The following WDSUB1 variants were observed in gnomAD, a reference collection of about 807,000 sequenced individuals.
WDSUB1 encodes the protein WD repeat, sterile alpha motif and U-box domain containing 1, also known as WD repeat, SAM and U-box domain-containing protein 1.
In WDSUB1, 49 loss-of-function variants were observed where a neutral mutation model predicts 53.9. That is an observed-to-expected ratio of 0.91 (90% CI 0.72 to 1.15). The LOEUF (loss-of-function observed/expected upper bound fraction) is 1.15. Ranked by LOEUF, WDSUB1 falls within the 50% of genes most tolerant of loss-of-function variation. The probability of loss-of-function intolerance (pLI) is 0.00; values close to 1 mark genes in which losing one functional copy is unlikely to be tolerated. For missense variants in WDSUB1, 514 were observed against 562.0 expected (o/e 0.91, Z 0.86); for synonymous variants, 194 against 200.6 (o/e 0.97, Z 0.28).
At chr2:159,255,155 C>T (rs984538314) in intron 9 of WDSUB1, among the ~76,000 whole-genome samples, 3 of 151,722 alleles carry the variant, frequency 2.0e-5, no homozygotes, top group Non-Finnish European at 4.4e-5. Flanking sequence ...GCCACCCCCA[C>T]ACAAAAAGAG....
chr2:159,256,890 A>T (rs778385390), intron 8 of WDSUB1, among the ~76,000 whole-genome samples: 1 of 152,332 alleles, frequency 6.6e-6, no homozygotes, highest in East Asian at 1.9e-4. Context: ...ATGGAGTATA[A>T]ACAAATAACT....
At chr2:159,276,775 C>CT (rs2061550038) in intron 3 of WDSUB1, among the ~76,000 whole-genome samples, 1 of 152,164 alleles carries the variant, frequency 6.6e-6, no homozygotes, top group Non-Finnish European at 1.5e-5. Context: ...AATCCCAGCA[C>CT]TTTGAGAGGC....
chr2:159,285,461 T>G (rs1451909539), intron 1 of WDSUB1, among the ~76,000 whole-genome samples: 1 of 151,934 alleles, frequency 6.6e-6, no homozygotes, highest in Non-Finnish European at 1.5e-5. Context: ...GTCCCAGCAT[T>G]TTGGGAGGCC....
At chr2:159,257,675 G>T in intron 8 of WDSUB1, 83 bp downstream of exon 8, 1 of 1,228,272 alleles carries the variant, frequency 8.1e-7, no homozygotes, top group Non-Finnish European at 1.2e-6. Flanking sequence ...GGTGTGAGCC[G>T]CGGTGCCCAG....
chr2:159,266,483 T>C (rs565706689), intron 5 of WDSUB1, among the ~76,000 whole-genome samples: 2 of 152,188 alleles, frequency 1.3e-5, no homozygotes, highest in African/African-American at 2.4e-5. Flanking sequence ...CCACCGCGCC[T>C]GGCCAAGGAA....
chr2:159,275,680 C>T (rs1346661573), intron 3 of WDSUB1, 42 bp from the exon 4 acceptor site: 1 of 1,425,200 alleles, frequency 7.0e-7, no homozygotes, highest in Non-Finnish European at 9.4e-7. Flanking sequence ...TTGTAAAACA[C>T]TGAAACCCCC....
intron 3 of WDSUB1, among the ~76,000 whole-genome samples, chr2:159,276,296 G>C (rs2061540050): frequency 6.6e-6 from 1 of 152,098 alleles, no homozygotes; most frequent in Non-Finnish European, 1.5e-5. Context: ...TCCTGACCTT[G>C]CAATCCGCCT....
intron 1 of WDSUB1, among the ~76,000 whole-genome samples, chr2:159,283,944 A>G (rs981455519): frequency 6.6e-6 from 1 of 152,114 alleles, no homozygotes; most frequent in Non-Finnish European, 1.5e-5. Context: ...CCTCCCAAGT[A>G]GCTGGGATTA....
chr2:159,283,682 A>C (rs1003118335), intron 1 of WDSUB1, among the ~76,000 whole-genome samples: 1 of 151,900 alleles, frequency 6.6e-6, no homozygotes, highest in Non-Finnish European at 1.5e-5. Flanking sequence ...AAAGAAAAAA[A>C]ATCTAACACT....
At chr2:159,241,115 T>G (rs1178089693) in intron 10 of WDSUB1, among the ~76,000 whole-genome samples, 1 of 152,092 alleles carries the variant, frequency 6.6e-6, no homozygotes, top group African/African-American at 2.4e-5. Flanking sequence ...CGGTGAAGGC[T>G]CTAGAGAAAA....
rs561956530 is a variant in WDSUB1 at position 159,249,820 on chromosome 2, C to T, written c.1133-1308G>A. 1.5e-4 allele frequency among the ~76,000 whole-genome samples: 23 copies of T among 150,648 alleles called. No homozygotes were observed. The South Asian group carries it at 4.8e-3, about 31-fold the overall frequency. The stretch of plus-strand genomic sequence containing the variant: ...GTGGCTCATGCCTGTAACCCCAGCA[C>T]TTTGGGAGGATTAGGCAGGTGGATC... On this transcript the variant is annotated intron_variant, in intron 9 of 10. Transcript: ENST00000359774.
chr2:159,235,972 T>C lies in WDSUB1; in HGVS notation c.*61A>G. 6.9e-7 allele frequency: 1 copy of C among 1,443,644 alleles called. No homozygotes were observed. 89.4% of individuals were successfully genotyped at this position (1,443,644 alleles called of 1,614,324 possible). A position where few individuals can be genotyped will look rare whatever the true frequency, so the allele number is the denominator to read the frequency against. On this transcript the variant is annotated 3_prime_UTR_variant, in exon 11 of 11. Transcript: ENST00000359774. The stretch of plus-strand genomic sequence containing the variant: ...TGCTTTTAATAATGTCTGATTAGTA[T>C]TTACCTATAAATCATTCAAATGAGA...
intron 3 of WDSUB1, among the ~76,000 whole-genome samples, chr2:159,279,120 G>A (rs2061600737): frequency 6.6e-6 from 1 of 151,962 alleles, no homozygotes; most frequent in African/African-American, 2.4e-5. Flanking sequence ...CTTGCATTAC[G>A]TTGTTATGGA....
rs574897482 is a variant in WDSUB1, at chr2:159,239,173, T to C, written c.1274-2983A>G. ...TACACCACAACACCTGGCTAATTTT[T>C]AAAAATTTTTTGTAGAGAAGGGGGT... On this transcript the variant is annotated intron_variant, in intron 10 of 10. Transcript: ENST00000359774. Among the ~76,000 whole-genome samples, 34 of 152,280 alleles carry C rather than the reference T, an allele frequency of 2.2e-4. 2 individuals carry two copies. In the South Asian group the frequency reaches 7.0e-3, roughly 32 times the overall value.
At chr2:159,254,004 A>G (rs1171264436) in intron 9 of WDSUB1, among the ~76,000 whole-genome samples, 3 of 152,230 alleles carry the variant, frequency 2.0e-5, no homozygotes, top group Non-Finnish European at 4.4e-5. Flanking sequence ...AGATCTCCAT[A>G]TCTTAAACAC....
intron 9 of WDSUB1, among the ~76,000 whole-genome samples, chr2:159,250,106 A>AAAAAAAAAAAAAAAAAG (rs1559535180): frequency 6.7e-6 from 1 of 148,658 alleles, no homozygotes; most frequent in African/African-American, 2.5e-5. Flanking sequence ...AAAAAAAAAA[A>AAAAAAAAAAAAAAAAAG]AGAAGGGAAG....
intron 2 of WDSUB1, among the ~76,000 whole-genome samples, chr2:159,281,528 T>A (rs2061662944): frequency 6.6e-6 from 1 of 151,544 alleles, no homozygotes; most frequent in Admixed American, 6.6e-5. Context: ...TCCAAAAGAG[T>A]TTTTCAGGCG....
At chr2:159,280,006 C>G (rs1558879954) in intron 2 of WDSUB1, 61 bp from the exon 3 acceptor site, 101 of 1,442,844 alleles carry the variant, frequency 7.0e-5, no homozygotes, top group Non-Finnish European at 9.3e-5. Context: ...ATACCACAGT[C>G]TCTAACAGCA....
At chr2:159,250,954 A>G (rs1456477983) in intron 9 of WDSUB1, among the ~76,000 whole-genome samples, 1 of 152,042 alleles carries the variant, frequency 6.6e-6, no homozygotes, top group African/African-American at 2.4e-5. Flanking sequence ...ATTTAAAGAG[A>G]TAATTATATA....
Sources: allele counts gnomAD v4.1 joint callset (sites outside exome capture counted in the v4.1 genomes callset), GRCh38; gene constraint gnomAD v4.1.1; transcripts MANE v1.5; gene names NCBI Gene and HGNC (gene_info 2026-07-23, HGNC 2026-07-21).